The following TBX5 variants were observed in gnomAD, a reference collection of about 807,000 sequenced individuals.
TBX5 encodes the protein T-box transcription factor 5.
Under a neutral mutation model 51.1 loss-of-function variants are expected in TBX5, and 8 were observed. The ratio of observed to expected loss-of-function variants is 0.16; its 90% CI spans 0.09 to 0.28. The LOEUF (loss-of-function observed/expected upper bound fraction) is 0.28. Among genes scored for constraint, TBX5 ranks in the 10% least tolerant of loss-of-function variants. The pLI, the probability that TBX5 is intolerant of heterozygous loss-of-function variation, is 1.00. For missense variants in TBX5, 589 were observed against 671.7 expected (o/e 0.88, Z 1.36); for synonymous variants, 302 against 266.4 (o/e 1.13, Z -1.30).
rs762687473 is a variant in TBX5, at chr12:114,355,661, C to T, written c.1428G>A (p.Leu476=). The change falls in exon 9 of 9, where the codon CTG becomes CTA. Residue 476 remains leucine (L), a synonymous_variant. Transcript: ENST00000405440. The stretch of plus-strand genomic sequence containing the variant: ...GGGGCTGAAGGGTGCCAGGGGACTG[C>T]AGGCCAGTCTGAGGCCCACACTGCC... ...VVRQCGPQTG[L]QSPGTLQPPE... is the part of the protein sequence containing the mutation. 5.0e-6 allele frequency: 8 copies of T among 1,614,046 alleles called. No homozygotes were observed. In the South Asian group the frequency reaches 8.8e-5, roughly 18 times the overall value.
At chr12:114,393,423 C>A (rs942471720) in intron 6 of TBX5, among the ~76,000 whole-genome samples, 1 of 152,200 alleles carries the variant, frequency 6.6e-6, no homozygotes, top group Non-Finnish European at 1.5e-5. Flanking sequence ...AGGGCAGGGG[C>A]CCCTCCCCCA....
chr12:114,401,698 CTCT>C, intron 3 of TBX5, 125 bp downstream of exon 3: 1 of 822,470 alleles, frequency 1.2e-6, no homozygotes, highest in Non-Finnish European at 2.1e-6. Flanking sequence ...CCTCTCCTTT[CTCT>C]TCTTTCTCTA....
At chr12:114,388,716 G>A (rs912025134) in intron 6 of TBX5, among the ~76,000 whole-genome samples, 5 of 123,388 alleles carry the variant, frequency 4.1e-5, no homozygotes, top group African/African-American at 1.6e-4. Flanking sequence ...GTGTGTGTGT[G>A]TACACATTCT....
At position 114,366,330 on chromosome 12, in the gene TBX5, G is replaced by T. The variant is rs756238293; in HGVS notation, c.817C>A (p.Pro273Thr). Residue 273 changes from proline (P) to threonine (T), a missense_variant, in exon 8 of 9, where the codon CCT becomes ACT. Pro to Thr is a conservative substitution (Grantham distance 38). Coordinates refer to ENST00000405440, the MANE Select transcript of TBX5 (RefSeq NM_181486.4). The stretch of plus-strand genomic sequence containing the variant: ...AGAGCTCGAGACTCGCTGCTGAAAG[G>T]ACTGTGGTTGGAGGCCACTTTTTGC... ...VRQKVASNHS[P>T]FSSESRALST... 6.2e-7 allele frequency: 1 copy of T among 1,614,114 alleles called. No homozygotes were observed. The highest frequency in any genetic ancestry group is 8.5e-7 in the Non-Finnish European group (1 of 1,180,020).
At chr12:114,408,160 G>C (rs1221570956), upstream of TBX5, 1 of 985,278 alleles carries the variant, frequency 1.0e-6, no homozygotes, top group Admixed American at 6.1e-5. Flanking sequence ...GGGCAGCGGC[G>C]GGAGGTAAAT....
chr12:114,361,496 T>C (rs532692844), intron 8 of TBX5, among the ~76,000 whole-genome samples: 18 of 152,324 alleles, frequency 1.2e-4, no homozygotes, highest in African/African-American at 4.1e-4. Context: ...CCTGGGGTCC[T>C]GGATTTGATT....
At chr12:114,389,818 C>T (rs1436802073) in intron 6 of TBX5, among the ~76,000 whole-genome samples, 2 of 148,174 alleles carry the variant, frequency 1.3e-5, no homozygotes, top group African/African-American at 5.0e-5. Context: ...TTCCTCCCAC[C>T]TCCCAGCCTG....
intron 5 of TBX5, among the ~76,000 whole-genome samples, chr12:114,397,916 T>C (rs1370386115): frequency 6.6e-6 from 1 of 152,134 alleles, no homozygotes; most frequent in African/African-American, 2.4e-5. Flanking sequence ...CATCCCAAAA[T>C]TAAGGCAGGA....
At chr12:114,382,690 A>G (rs1167293380) in intron 7 of TBX5, among the ~76,000 whole-genome samples, 1 of 151,982 alleles carries the variant, frequency 6.6e-6, no homozygotes, top group Non-Finnish European at 1.5e-5. Flanking sequence ...CCAGCTACTC[A>G]GGAGGCTGAG....
intron 6 of TBX5, among the ~76,000 whole-genome samples, chr12:114,385,789 T>C (rs1229069395): frequency 6.6e-6 from 1 of 151,998 alleles, no homozygotes; most frequent in Non-Finnish European, 1.5e-5. Flanking sequence ...AACACCTGGG[T>C]TTGGTTTGCC....
chr12:114,399,749 T>C, intron 3 of TBX5, 117 bp from the exon 4 acceptor site: 1 of 1,513,918 alleles, frequency 6.6e-7, no homozygotes, highest in South Asian at 1.1e-5. Flanking sequence ...AAGCGGAAAC[T>C]AGCCCCGTTC....
chr12:114,355,828 G>A lies in TBX5; in HGVS notation c.1261C>T (p.Leu421=). 6.2e-7 allele frequency: 1 copy of A among 1,614,060 alleles called. No homozygotes were observed. Among genetic ancestry groups the A allele is most frequent in the Non-Finnish European group, 8.5e-7 (1 of 1,180,034 alleles). ...TGAGCGGAGAAGTGCTGGTAGGGTA[G>A]CCTGTCCATGGGCTGCACGGTGGTG... The part of the protein sequence containing the change: ...TVTTVQPMDR[L]PYQHFSAHFT... Residue 421 remains leucine, a synonymous_variant, in exon 9 of 9, where the codon CTA becomes TTA. Coordinates refer to ENST00000405440, the MANE Select transcript of TBX5 (RefSeq NM_181486.4).
At chr12:114,405,537 C>A in intron 1 of TBX5, 91 bp downstream of exon 1, 1 of 207,198 alleles carries the variant, frequency 4.8e-6, no homozygotes, top group Non-Finnish European at 8.4e-6. Context: ...GAATGCAAAG[C>A]CGGGCTGGAA....
rs745985270 is a variant in TBX5, at chr12:114,399,560, G to A, written c.315C>T (p.Asp105=). Residue 105 remains aspartate (D), a synonymous_variant, in exon 4 of 9, where the codon GAC becomes GAT. Transcript: ENST00000405440. ...NPKTKYILLM[D]IVPADDHRYK... ...ATCTGTGATCGTCGGCAGGTACAAT[G>A]TCCATGAGAAGAATGTACTTCGTTT... The A allele has an allele frequency of 3.7e-6, 6 of 1,614,158 alleles. No homozygotes were observed. Among genetic ancestry groups the A allele is most frequent in the South Asian group, 1.1e-5 (1 of 91,082 alleles).
At position 114,406,057 on chromosome 12, in the gene TBX5, TCTCTCTCC is replaced by T. The variant is rs1252680915; in HGVS notation, c.-476_-469del. 1 of 980,632 alleles carries T rather than the reference TCTCTCTCC, an allele frequency of 1.0e-6. No homozygotes were observed. Among genetic ancestry groups the T allele is most frequent in the African/African-American group, 1.8e-5 (1 of 56,484 alleles). 60.7% of individuals were successfully genotyped at this position (980,632 alleles called of 1,614,324 possible). A position where few individuals can be genotyped will look rare whatever the true frequency, so the allele number is the denominator to read the frequency against. ...CGAGGTAAGAGTCAGTCTCTCTCAC[TCTCTCTCC>T]CTCTCTCTCTCTCTCTGAAATACAA... On this transcript the variant is annotated 5_prime_UTR_variant, in exon 1 of 9. Transcript: ENST00000405440.
At chr12:114,374,650 G>A (rs1870095869) in intron 7 of TBX5, among the ~76,000 whole-genome samples, 1 of 152,186 alleles carries the variant, frequency 6.6e-6, no homozygotes, top group Non-Finnish European at 1.5e-5. Flanking sequence ...CTGGGGTGAT[G>A]GGAATGTTCT....
chr12:114,387,724 C>T lies in TBX5; in HGVS notation c.664-2157G>A, dbSNP rs185282262. 5.3e-5 allele frequency among the ~76,000 whole-genome samples: 8 copies of T among 152,246 alleles called. No homozygotes were observed. In the East Asian group the frequency reaches 1.4e-3, roughly 26 times the overall value. On this transcript the variant is annotated intron_variant, in intron 6 of 8. Coordinates refer to ENST00000405440, the MANE Select transcript of TBX5 (RefSeq NM_181486.4). ...CTGCAAAAAATGTTCCACTCTGGTA[C>T]AGGATGTCCATGGTGGGGGTGGCTG... is the stretch of plus-strand genomic sequence containing the variant.
chr12:114,383,044 T>C (rs1870600426), intron 7 of TBX5, among the ~76,000 whole-genome samples: 1 of 151,090 alleles, frequency 6.6e-6, no homozygotes, highest in South Asian at 2.1e-4. Context: ...ACATCTGAGC[T>C]CTCACACACC....
chr12:114,407,993 C>A (rs1565945176), upstream of TBX5: 2 of 985,424 alleles, frequency 2.0e-6, no homozygotes, highest in Non-Finnish European at 2.4e-6. Context: ...TTTGTGGTCT[C>A]CGACAAATTA....
Sources: gnomAD v4.1 joint callset for allele counts (sites outside exome capture counted in the v4.1 genomes callset) on GRCh38, gnomAD v4.1.1 for gene constraint, MANE v1.5 for transcripts, NCBI Gene and HGNC (gene_info 2026-07-23, HGNC 2026-07-21) for gene names.